EFNB1: variants seen among roughly 807,000 people sequenced by gnomAD.
EFNB1 encodes the protein ephrin B1, also known as ephrin-B1.
A neutral mutation model predicts 18.1 loss-of-function variants in EFNB1; 1 was observed. That is an observed-to-expected ratio of 0.06 (90% CI 0.02 to 0.26). The LOEUF (loss-of-function observed/expected upper bound fraction) is 0.26. EFNB1 is among the 10% of genes least tolerant of loss of function. The probability of loss-of-function intolerance (pLI) is 1.00; values close to 1 mark genes in which losing one functional copy is unlikely to be tolerated. For synonymous variants in EFNB1, 131 were observed against 127.5 expected (o/e 1.03, Z -0.19); for missense variants, 221 against 301.8 (o/e 0.73, Z 1.98).
chrX:68,830,034 G>C (rs1273792343), intron 1 of EFNB1, 130 bp downstream of exon 1: 3 of 981,026 alleles, frequency 3.1e-6, no homozygotes, highest in South Asian at 2.2e-5. Context: ...CGGCTTTTTC[G>C]AGTGTTTTCC....
At position 68,840,613 on chromosome X, in the gene EFNB1, A is replaced by G; in HGVS notation, c.1000A>G (p.Met334Val). The change falls in exon 5 of 5, where the codon ATG (methionine) becomes GTG (valine). Residue 334 changes from methionine (M) to valine (V), a missense_variant. By Grantham distance (21) the Met-to-Val change is conservative. Coordinates refer to ENST00000204961, the MANE Select transcript of EFNB1 (RefSeq NM_004429.5). ...GCACCCTGTCTACATCGTCCAAGAG[A>G]TGCCGCCCCAGAGCCCGGCGAACAT... is the stretch of plus-strand genomic sequence containing the variant. The part of the protein sequence containing the change: ...YGHPVYIVQE[M>V]PPQSPANIYY... The G allele has an allele frequency of 1.7e-6, 2 of 1,210,200 alleles. No individual in the cohort carries two copies. The highest frequency in any genetic ancestry group is 2.2e-6 in the Non-Finnish European group (2 of 894,854).
At chrX:68,838,982 A>G (rs2080469649) in intron 2 of EFNB1, 88 bp downstream of exon 2, 4 of 1,071,218 alleles carry the variant, frequency 3.7e-6, no homozygotes, top group African/African-American at 1.8e-5. Flanking sequence ...AAGTGGTGCA[A>G]TGCTATTGCA....
rs2080469391 is a variant in EFNB1 at position 68,838,910 on chromosome X, C to T, written c.406+16C>T. 4.2e-6 allele frequency: 5 copies of T among 1,189,604 alleles called. No homozygotes were observed. The highest frequency in any genetic ancestry group is 5.7e-6 in the Non-Finnish European group (5 of 883,657). Reference sequence around the variant, plus strand: ...TACATTACCTGTGAGTCCCGCCCATCCCATCCTCTGGCTCTCTCCCTGGGC... The same window carrying T: ...TACATTACCTGTGAGTCCCGCCCATTCCATCCTCTGGCTCTCTCCCTGGGC... On this transcript the variant is annotated intron_variant, in intron 2 of 4. Transcript: ENST00000204961.
In EFNB1 at chrX:68,838,166, TGTGTGTGCGC is replaced by T. The variant is rs781203677; in HGVS notation, c.129-449_129-440del. Among the ~76,000 whole-genome samples, 323 of 48,162 alleles carry T rather than the reference TGTGTGTGCGC, an allele frequency of 6.7e-3. 1 individual carries two copies. Among genetic ancestry groups the T allele is most frequent in the Non-Finnish European group, 0.011 (271 of 25,304 alleles). 41.8% of individuals were successfully genotyped at this position (48,162 alleles called of 115,157 possible). A position where few individuals can be genotyped will look rare whatever the true frequency, so the allele number is the denominator to read the frequency against. On this transcript the variant is annotated intron_variant, in intron 1 of 4. Transcript: ENST00000204961. ...GTGTGTGTGTGTGTGTGTGTGTGTGTGTGTGTGCGCGCGCGCGCGCGCACGTGTGTATGGG... is the reference window on the plus strand; with the variant it reads ...GTGTGTGTGTGTGTGTGTGTGTGTGTGCGCGCGCGCGCACGTGTGTATGGG...
rs1249004023 is a variant in EFNB1, at chrX:68,842,159, G to T, written c.*1505G>T. The T allele has an allele frequency of 8.9e-6, 1 of 111,876 alleles. No homozygotes were observed. Among genetic ancestry groups the T allele is most frequent in the Admixed American group, 9.4e-5 (1 of 10,596 alleles). The allele number at this position is 111,876 out of a possible 1,213,427, so 9.2% of individuals were successfully genotyped here. A position where few individuals can be genotyped will look rare whatever the true frequency, so the allele number is the denominator to read the frequency against. ...CTAAAAAAAAAAAATTAACCACATG[G>T]AGAAATGGGTGTAAAATGGTGTCGT... On this transcript the variant is annotated 3_prime_UTR_variant, in exon 5 of 5. Transcript: ENST00000204961.
chrX:68,834,345 G>C (rs1192418504), intron 1 of EFNB1, among the ~76,000 whole-genome samples: 2 of 112,517 alleles, frequency 1.8e-5, no homozygotes, highest in African/African-American at 6.5e-5. Flanking sequence ...ATCGAGGAGG[G>C]GGGGTATTAA....
rs748953203 is a variant in EFNB1, at chrX:68,840,233, C to T, written c.629-9C>T. The T allele has an allele frequency of 8.3e-7, 1 of 1,210,493 alleles. No individual in the cohort carries two copies. Among genetic ancestry groups the T allele is most frequent in the African/African-American group, 1.7e-5 (1 of 57,356 alleles). On this transcript the variant is annotated splice_polypyrimidine_tract_variant and intron_variant, in intron 4 of 4. Coordinates refer to ENST00000204961, the MANE Select transcript of EFNB1 (RefSeq NM_004429.5). ...TGGCTGACTGTTCCTTCCCCTTTCC[C>T]TTCCTCAGAGACTGTGAACCAGGAA...
At chrX:68,832,813 T>C (rs1380187468) in intron 1 of EFNB1, among the ~76,000 whole-genome samples, 2 of 103,933 alleles carry the variant, frequency 1.9e-5, no homozygotes, top group Admixed American at 1.0e-4. Flanking sequence ...TGTGTGTGCG[T>C]GTGTGTGTGT....
At position 68,840,988 on chromosome X, in the gene EFNB1, T is replaced by G; in HGVS notation, c.*334T>G. Reference sequence around the variant, plus strand: ...CCCCTCCCTCGCCCCCCTTGCCACCTTCCCAGGACTGCTTGTCCGCTATCA... The same window carrying G: ...CCCCTCCCTCGCCCCCCTTGCCACCGTCCCAGGACTGCTTGTCCGCTATCA... On this transcript the variant is annotated 3_prime_UTR_variant, in exon 5 of 5. Transcript: ENST00000204961. 3.3e-6 allele frequency: 1 copy of G among 307,128 alleles called. No homozygotes were observed. Among genetic ancestry groups the G allele is most frequent in the Non-Finnish European group, 5.8e-6 (1 of 173,793 alleles). 25.3% of individuals were successfully genotyped at this position (307,128 alleles called of 1,213,427 possible).
rs1471078237 is a variant in EFNB1, at chrX:68,841,655, C to G, written c.*1001C>G. 1.8e-5 allele frequency: 2 copies of G among 111,462 alleles called. No homozygotes were observed. The highest frequency in any genetic ancestry group is 6.6e-5 in the African/African-American group (2 of 30,467). 9.2% of individuals were successfully genotyped at this position (111,462 alleles called of 1,213,427 possible). ...CAGAGGCCCAGGGTGGAGACCTAAG[C>G]GGGTATAAGACCAGGTGGCCTGCTC... On this transcript the variant is annotated 3_prime_UTR_variant, in exon 5 of 5. Coordinates refer to ENST00000204961, the MANE Select transcript of EFNB1 (RefSeq NM_004429.5).
At chrX:68,831,822 G>A (rs2080446350) in intron 1 of EFNB1, among the ~76,000 whole-genome samples, 1 of 110,395 alleles carries the variant, frequency 9.1e-6, no homozygotes, top group African/African-American at 3.3e-5. Context: ...GTTTTGGGGG[G>A]TGGTATCCTC....
intron 1 of EFNB1, 48 bp from the exon 2 acceptor site, chrX:68,838,569 G>A: frequency 8.3e-7 from 1 of 1,205,696 alleles, no homozygotes; most frequent in Non-Finnish European, 1.1e-6. Flanking sequence ...GGAATGGCCT[G>A]GGGCCACCCC....
chrX:68,831,999 CAG>C (rs1226242111), intron 1 of EFNB1, among the ~76,000 whole-genome samples: 1 of 110,400 alleles, frequency 9.1e-6, no homozygotes, highest in East Asian at 2.9e-4. Context: ...CATCCAGGCT[CAG>C]GGGTCTGGAA....
intron 2 of EFNB1, 91 bp downstream of exon 2, chrX:68,838,985 CT>C: frequency 4.8e-6 from 5 of 1,048,474 alleles, no homozygotes; most frequent in Non-Finnish European, 5.2e-6. Flanking sequence ...TGGTGCAATG[CT>C]ATTGCATGTA....
At chrX:68,831,344 G>C (rs781545119) in intron 1 of EFNB1, among the ~76,000 whole-genome samples, 3 of 111,477 alleles carry the variant, frequency 2.7e-5, no homozygotes, top group Non-Finnish European at 5.7e-5. Flanking sequence ...TGGTGGGATG[G>C]CTAAACCAGG....
intron 2 of EFNB1, 89 bp downstream of exon 2, chrX:68,838,983 T>TA: frequency 2.8e-6 from 3 of 1,075,057 alleles, no homozygotes; most frequent in Non-Finnish European, 2.5e-6. Context: ...AGTGGTGCAA[T>TA]GCTATTGCAT....
chrX:68,838,499 T>A (rs1484404557), intron 1 of EFNB1, 118 bp from the exon 2 acceptor site: 2 of 856,768 alleles, frequency 2.3e-6, no homozygotes, highest in South Asian at 2.2e-5. Flanking sequence ...GGCAGAAGGC[T>A]TGCTCTTGCC....
rs1228755976 is a variant in EFNB1 at position 68,842,074 on chromosome X, A to T, written c.*1420A>T. The T allele has an allele frequency of 8.9e-6, 1 of 112,501 alleles. No homozygotes were observed. Among genetic ancestry groups the T allele is most frequent in the Non-Finnish European group, 1.9e-5 (1 of 53,191 alleles). The allele number at this position is 112,501 out of a possible 1,213,427, so 9.3% of individuals were successfully genotyped here. ...TTTTTGGAAAAAAAATAATGTAAAG[A>T]TGTTTTGTATAAACTCTGAATTATT... On this transcript the variant is annotated 3_prime_UTR_variant, in exon 5 of 5. Transcript: ENST00000204961.
intron 1 of EFNB1, among the ~76,000 whole-genome samples, chrX:68,836,523 A>C (rs1462553630): frequency 8.9e-6 from 1 of 112,042 alleles, no homozygotes; most frequent in Non-Finnish European, 1.9e-5. Flanking sequence ...CGTCCACTTC[A>C]TCCATGTGGT....
Sources: allele counts gnomAD v4.1 joint callset (sites outside exome capture counted in the v4.1 genomes callset), GRCh38; gene constraint gnomAD v4.1.1; transcripts MANE v1.5; gene names NCBI Gene and HGNC (gene_info 2026-07-23, HGNC 2026-07-21).